RABGAP1L: variants seen among roughly 807,000 people sequenced by gnomAD.
RABGAP1L encodes RAB GTPase activating protein 1 like.
Under a neutral mutation model 137.7 loss-of-function variants are expected in RABGAP1L, and 63 were observed. That is an observed-to-expected ratio of 0.46 (90% CI 0.37 to 0.56). The LOEUF (loss-of-function observed/expected upper bound fraction) is 0.56, where lower values mean the gene tolerates loss of function less well. RABGAP1L is among the 20% of genes least tolerant of loss of function. The pLI is 0.00. For missense variants in RABGAP1L, 1,095 were observed against 1,244.0 expected (o/e 0.88, Z 1.80); for synonymous variants, 431 against 433.7 (o/e 0.99, Z 0.08).
chr1:174,489,407 A>G (rs1659995399), intron 13 of RABGAP1L, among the ~76,000 whole-genome samples: 1 of 152,204 alleles, frequency 6.6e-6, no homozygotes, highest in Non-Finnish European at 1.5e-5. Context: ...ACATTTATGC[A>G]GCCAACAGAC....
At chr1:174,679,796 C>T (rs535783753) in intron 14 of RABGAP1L, among the ~76,000 whole-genome samples, 44 of 152,270 alleles carry the variant, frequency 2.9e-4, no homozygotes, top group African/African-American at 9.6e-4. Context: ...GTCAAAATCA[C>T]GGTAGGCATT....
At chr1:174,487,376 A>G (rs1329667539) in intron 13 of RABGAP1L, among the ~76,000 whole-genome samples, 2 of 152,192 alleles carry the variant, frequency 1.3e-5, no homozygotes, top group Non-Finnish European at 2.9e-5. Context: ...ATCATTATAT[A>G]GTGACCTTCT....
chr1:174,606,156 A>G (rs1375298701), intron 13 of RABGAP1L, among the ~76,000 whole-genome samples: 2 of 152,222 alleles, frequency 1.3e-5, no homozygotes, highest in Non-Finnish European at 2.9e-5. Flanking sequence ...CTATCCATCA[A>G]CATTTTGAAG....
At chr1:174,730,791 A>G (rs1682400449) in intron 17 of RABGAP1L, among the ~76,000 whole-genome samples, 2 of 152,162 alleles carry the variant, frequency 1.3e-5, no homozygotes, top group Non-Finnish European at 1.5e-5. Flanking sequence ...AAGGTCCTAA[A>G]GGAAATTAAA....
chr1:174,425,746 C>A (rs898728443), intron 13 of RABGAP1L, among the ~76,000 whole-genome samples: 2 of 151,936 alleles, frequency 1.3e-5, no homozygotes, highest in African/African-American at 4.8e-5. Context: ...ATTGAAGTTT[C>A]TTTTAACTCT....
At chr1:174,757,780 A>G (rs937466948) in intron 18 of RABGAP1L, among the ~76,000 whole-genome samples, 9 of 151,790 alleles carry the variant, frequency 5.9e-5, no homozygotes, top group Middle Eastern at 3.4e-3. Context: ...AAAAGTTCTG[A>G]CACTTTAGGG....
intron 13 of RABGAP1L, among the ~76,000 whole-genome samples, chr1:174,615,643 C>T (rs999402500): frequency 2.0e-5 from 3 of 152,218 alleles, no homozygotes; most frequent in African/African-American, 7.2e-5. Context: ...GTGGAGGTTA[C>T]TGCTGTCTTG....
chr1:174,818,354 G>C (rs1261981597), intron 19 of RABGAP1L, among the ~76,000 whole-genome samples: 1 of 152,182 alleles, frequency 6.6e-6, no homozygotes, highest in African/African-American at 2.4e-5. Context: ...AGTGTCAGTG[G>C]TACCTAGAGG....
chr1:174,218,494 T>C (rs1053950968), intron 1 of RABGAP1L, among the ~76,000 whole-genome samples: 1 of 152,202 alleles, frequency 6.6e-6, no homozygotes, highest in African/African-American at 2.4e-5. Context: ...TACACTGTGT[T>C]TGATTACTGA....
intron 1 of RABGAP1L, among the ~76,000 whole-genome samples, chr1:174,175,492 C>CTTTTTTT (rs771691150): frequency 1.5e-5 from 2 of 137,190 alleles, no homozygotes; most frequent in African/African-American, 2.7e-5. Context: ...TTTCTTTTTT[C>CTTTTTTT]TTTTTTTTTT....
chr1:174,547,062 A>G (rs148624593), intron 13 of RABGAP1L, among the ~76,000 whole-genome samples: 2,265 of 149,394 alleles, frequency 0.015, 98 homozygotes, highest in African/African-American at 0.055. Flanking sequence ...AAAAAGATAA[A>G]GCAGTTAAAT....
At chr1:174,338,288 G>T (rs1021255493) in intron 11 of RABGAP1L, among the ~76,000 whole-genome samples, 1 of 152,132 alleles carries the variant, frequency 6.6e-6, no homozygotes, top group African/African-American at 2.4e-5. Context: ...TCAATCATAT[G>T]TAATCATTAT....
Position 174,875,269 on chromosome 1 carries a change from T to C in RABGAP1L, c.2340+63309T>C, listed in dbSNP as rs150118589. Among the ~76,000 whole-genome samples, 312 of 152,368 alleles carry C rather than the reference T, an allele frequency of 2.0e-3. 1 individual carries two copies. The highest frequency in any genetic ancestry group is 6.8e-3 in the Middle Eastern group (2 of 294). ...CTTATAGCCTGATGCCGTAAATGTTTTATGAGTTTAATGTACAGCACCTCT... is the reference window on the plus strand; with the variant it reads ...CTTATAGCCTGATGCCGTAAATGTTCTATGAGTTTAATGTACAGCACCTCT... On this transcript the variant is annotated intron_variant, in intron 19 of 25. Coordinates refer to ENST00000681986, the MANE Select transcript of RABGAP1L (RefSeq NM_001366446.1).
chr1:174,882,487 G>C (rs1435201938), intron 19 of RABGAP1L, among the ~76,000 whole-genome samples: 1 of 152,126 alleles, frequency 6.6e-6, no homozygotes. Flanking sequence ...AATACCTGCT[G>C]TTGCCACATG....
At chr1:174,446,000 A>G (rs953553741) in intron 13 of RABGAP1L, among the ~76,000 whole-genome samples, 2 of 152,180 alleles carry the variant, frequency 1.3e-5, no homozygotes, top group South Asian at 4.1e-4. Context: ...TGACAGTTTC[A>G]GCTGCAGTAG....
intron 10 of RABGAP1L, among the ~76,000 whole-genome samples, chr1:174,287,939 G>T (rs1364895504): frequency 2.6e-5 from 4 of 151,992 alleles, no homozygotes; most frequent in African/African-American, 4.8e-5. Flanking sequence ...ATAATTTGGT[G>T]ACTTTTTGTG....
chr1:174,195,067 A>G (rs1023115953), intron 1 of RABGAP1L, among the ~76,000 whole-genome samples: 2 of 152,122 alleles, frequency 1.3e-5, no homozygotes, highest in Admixed American at 6.5e-5. Context: ...CAGGAAGAGT[A>G]TATTATATGA....
chr1:174,757,620 A>G (rs1019844115), intron 18 of RABGAP1L, among the ~76,000 whole-genome samples: 1 of 151,366 alleles, frequency 6.6e-6, no homozygotes, highest in Admixed American at 6.6e-5. Context: ...ATTTTTTATT[A>G]CTAAATCATA....
intron 11 of RABGAP1L, among the ~76,000 whole-genome samples, chr1:174,322,244 A>G (rs147771559): frequency 5.3e-5 from 8 of 152,056 alleles, no homozygotes; most frequent in African/African-American, 1.9e-4. Flanking sequence ...ATTTGTTTTT[A>G]TCTATAATTG....
Sources: gnomAD v4.1 joint callset for allele counts (sites outside exome capture counted in the v4.1 genomes callset) on GRCh38, gnomAD v4.1.1 for gene constraint, MANE v1.5 for transcripts, NCBI Gene and HGNC (gene_info 2026-07-23, HGNC 2026-07-21) for gene names.